FER: variants seen among roughly 807,000 people sequenced by gnomAD.
The protein encoded by FER is tyrosine-protein kinase Fer.
In FER, 63 loss-of-function variants were observed where a neutral mutation model predicts 111.0. The ratio of observed to expected loss-of-function variants is 0.57; its 90% CI spans 0.46 to 0.70. FER has a LOEUF of 0.70. Ranked by LOEUF, FER falls within the 30% of genes least tolerant of loss-of-function variation. The pLI, the probability that FER is intolerant of heterozygous loss-of-function variation, is 0.00. For synonymous variants in FER, 327 were observed against 313.9 expected (o/e 1.04, Z -0.44); for missense variants, 914 against 954.0 (o/e 0.96, Z 0.55).
chr5:108,777,282 T>G (rs1490257638), intron 2 of FER, among the ~76,000 whole-genome samples: 1 of 152,270 alleles, frequency 6.6e-6, no homozygotes, highest in Non-Finnish European at 1.5e-5. Context: ...AATAGAATTT[T>G]TTTAGAGCAG....
chr5:109,173,845 A>G (rs886184775), intron 17 of FER, among the ~76,000 whole-genome samples: 2 of 151,026 alleles, frequency 1.3e-5, no homozygotes, highest in Non-Finnish European at 3.0e-5. Flanking sequence ...GACAGGTAGC[A>G]GGAGAGATCC....
In FER at chr5:108,890,398, T is replaced by C. The variant is rs544243029; in HGVS notation, c.1046+6880T>C. ...CTCAGTTCTGGAGGGTGAAAGTATG[T>C]AATGAGGTGTTGGCAGTGTTGGTTC... On this transcript the variant is annotated intron_variant, in intron 9 of 19. Coordinates refer to ENST00000281092, the MANE Select transcript of FER (RefSeq NM_005246.4). Among the ~76,000 whole-genome samples, 3 of 152,150 alleles carry C rather than the reference T, an allele frequency of 2.0e-5. No individual in the cohort carries two copies. In the East Asian group the frequency reaches 5.8e-4, roughly 29 times the overall value.
chr5:109,086,840 A>G (rs575520287), intron 16 of FER, among the ~76,000 whole-genome samples: 7 of 151,050 alleles, frequency 4.6e-5, no homozygotes, highest in African/African-American at 1.7e-4. Flanking sequence ...TTTTCCCATA[A>G]TTTTAGAAGC....
intron 1 of FER, among the ~76,000 whole-genome samples, chr5:108,750,012 AAAG>A (rs1750289855): frequency 6.6e-6 from 1 of 152,220 alleles, no homozygotes; most frequent in African/African-American, 2.4e-5. Context: ...ATGGTTAAAA[AAAG>A]AGCAGCTTTT....
At chr5:108,944,142 A>AC (rs1756664155) in intron 10 of FER, among the ~76,000 whole-genome samples, 6 of 137,884 alleles carry the variant, frequency 4.4e-5, no homozygotes, top group African/African-American at 1.6e-4. Context: ...CACACACACA[A>AC]ACACACACAC....
At chr5:108,966,192 C>G (rs1279209871) in intron 13 of FER, among the ~76,000 whole-genome samples, 1 of 151,992 alleles carries the variant, frequency 6.6e-6, no homozygotes, top group East Asian at 1.9e-4. Flanking sequence ...GTAATTACTT[C>G]TATACATTTT....
At position 109,190,970 on chromosome 5, in the gene FER, T is replaced by C. The variant is rs1468217188; in HGVS notation, c.*3395T>C. On this transcript the variant is annotated 3_prime_UTR_variant, in exon 20 of 20. Coordinates refer to ENST00000281092, the MANE Select transcript of FER (RefSeq NM_005246.4). ...AATAGTTTTAATTTCCTTTAAACCA[T>C]AATTTGGTTTTTCTATCTATATTAT... is the stretch of plus-strand genomic sequence containing the variant. The C allele has an allele frequency of 6.6e-6, 1 of 152,152 alleles. No homozygotes were observed. Among genetic ancestry groups the C allele is most frequent in the African/African-American group, 2.4e-5 (1 of 41,444 alleles). The allele number at this position is 152,152 out of a possible 1,614,324, so 9.4% of individuals were successfully genotyped here.
chr5:108,765,759 T>G (rs1169397586), intron 1 of FER, among the ~76,000 whole-genome samples: 2 of 152,210 alleles, frequency 1.3e-5, no homozygotes, highest in Admixed American at 6.5e-5. Context: ...TTTTTCATAT[T>G]AATTGGATGA....
chr5:108,868,490 CAT>C (rs796234147), intron 6 of FER, among the ~76,000 whole-genome samples: 32 of 152,186 alleles, frequency 2.1e-4, no homozygotes, highest in African/African-American at 6.5e-4. Flanking sequence ...CAAATGGACA[CAT>C]GTTTATCACA....
chr5:108,852,468 C>A (rs984260551), intron 5 of FER, among the ~76,000 whole-genome samples: 1 of 151,982 alleles, frequency 6.6e-6, no homozygotes, highest in Non-Finnish European at 1.5e-5. Context: ...TGGCAACTAG[C>A]CTTCTTATTC....
chr5:108,924,429 A>T (rs890865036), intron 10 of FER, among the ~76,000 whole-genome samples: 1 of 151,822 alleles, frequency 6.6e-6, no homozygotes, highest in African/African-American at 2.4e-5. Context: ...TCTTTACTTA[A>T]TGTACAAGGA....
chr5:108,877,029 G>T (rs1765157092), intron 8 of FER, among the ~76,000 whole-genome samples: 1 of 152,030 alleles, frequency 6.6e-6, no homozygotes, highest in African/African-American at 2.4e-5. Flanking sequence ...TAAAATATTT[G>T]CTTTCTGTGC....
At chr5:109,134,587 T>G (rs747769880) in intron 17 of FER, among the ~76,000 whole-genome samples, 1 of 152,160 alleles carries the variant, frequency 6.6e-6, no homozygotes, top group African/African-American at 2.4e-5. Context: ...CAGATTTAAC[T>G]TGGGTAATTG....
At chr5:108,974,549 A>G (rs1481048615) in intron 13 of FER, among the ~76,000 whole-genome samples, 2 of 152,200 alleles carry the variant, frequency 1.3e-5, no homozygotes, top group South Asian at 2.1e-4. Context: ...CTCCCCAAAT[A>G]TGTCTACACC....
At chr5:108,752,215 C>G (rs1273295713) in intron 1 of FER, among the ~76,000 whole-genome samples, 1 of 152,030 alleles carries the variant, frequency 6.6e-6, no homozygotes, top group South Asian at 2.1e-4. Flanking sequence ...TCCCTTCCCT[C>G]CCTTCCTCCT....
chr5:109,186,874 G>C (rs1758933352), intron 19 of FER, among the ~76,000 whole-genome samples: 1 of 152,148 alleles, frequency 6.6e-6, no homozygotes, highest in South Asian at 2.1e-4. Flanking sequence ...CCCAGTGAGG[G>C]GCATGGTTGT....
At chr5:109,037,655 A>C (rs776915817) in intron 14 of FER, among the ~76,000 whole-genome samples, 177 bp downstream of exon 14, 2 of 152,178 alleles carry the variant, frequency 1.3e-5, no homozygotes, top group East Asian at 1.9e-4. Flanking sequence ...GATGTGTGAA[A>C]GTCTTTGAAA....
chr5:108,931,573 G>T (rs1010857816), intron 10 of FER, among the ~76,000 whole-genome samples: 5 of 152,064 alleles, frequency 3.3e-5, no homozygotes, highest in Non-Finnish European at 7.4e-5. Context: ...GCCAAAAATG[G>T]CTCTTTTCTT....
intron 13 of FER, among the ~76,000 whole-genome samples, chr5:109,010,954 A>G (rs1342300405): frequency 2.0e-5 from 3 of 152,226 alleles, no homozygotes; most frequent in South Asian, 2.1e-4. Flanking sequence ...AAAGTGAGGA[A>G]CATACATATG....
Sources: gnomAD v4.1 joint callset for allele counts (sites outside exome capture counted in the v4.1 genomes callset) on GRCh38, gnomAD v4.1.1 for gene constraint, MANE v1.5 for transcripts, NCBI Gene and HGNC (gene_info 2026-07-23, HGNC 2026-07-21) for gene names.